Variants in KIAA1549 observed in about 807,000 individuals in gnomAD.
KIAA1549 encodes UPF0606 protein KIAA1549.
Under a neutral mutation model 156.4 loss-of-function variants are expected in KIAA1549, and 70 were observed. The observed-to-expected ratio is 0.45, with a 90% CI of 0.37 to 0.55. KIAA1549 has a LOEUF of 0.55. KIAA1549 is among the 20% of genes least tolerant of loss of function. KIAA1549 has a pLI of 0.00. For synonymous variants in KIAA1549, 1,103 were observed against 1,066.4 expected (o/e 1.03, Z -0.67); for missense variants, 2,428 against 2,540.9 (o/e 0.96, Z 0.96).
chr7:138,960,828 G>T (rs1466237215), intron 1 of KIAA1549, among the ~76,000 whole-genome samples: 1 of 152,180 alleles, frequency 6.6e-6, no homozygotes. Flanking sequence ...ACAAGCGGTG[G>T]TGTCTTCCGG....
chr7:138,891,437 G>A (rs1310821479), intron 10 of KIAA1549, among the ~76,000 whole-genome samples: 1 of 152,216 alleles, frequency 6.6e-6, no homozygotes, highest in Non-Finnish European at 1.5e-5. Flanking sequence ...GAGTTTTTTA[G>A]GCAACAGTAA....
intron 12 of KIAA1549, among the ~76,000 whole-genome samples, chr7:138,874,425 TA>T (rs1226086492): frequency 6.6e-6 from 1 of 152,244 alleles, no homozygotes; most frequent in Non-Finnish European, 1.5e-5. Flanking sequence ...TGAGGTAATG[TA>T]TATGTTAAAT....
At chr7:138,849,923 C>T (rs1325797213) in intron 17 of KIAA1549, among the ~76,000 whole-genome samples, 1 of 152,144 alleles carries the variant, frequency 6.6e-6, no homozygotes, top group Admixed American at 6.5e-5. Context: ...CATAGTATTC[C>T]ATTGTGTATG....
intron 8 of KIAA1549, 62 bp downstream of exon 8, chr7:138,903,526 T>C: frequency 6.5e-7 from 1 of 1,537,336 alleles, no homozygotes. Context: ...GAGTGTGCAC[T>C]CACACGCAAG....
intron 1 of KIAA1549, among the ~76,000 whole-genome samples, chr7:138,973,307 C>T (rs1236993167): frequency 6.6e-6 from 1 of 152,202 alleles, no homozygotes; most frequent in East Asian, 1.9e-4. Flanking sequence ...TCAGGCATCA[C>T]CTGTTTCAGT....
At chr7:138,908,710 C>A (rs1475912315) in intron 5 of KIAA1549, among the ~76,000 whole-genome samples, 2 of 152,118 alleles carry the variant, frequency 1.3e-5, no homozygotes, top group Non-Finnish European at 2.9e-5. Context: ...AGGTTGATAC[C>A]ATTCCTTTCT....
intron 12 of KIAA1549, among the ~76,000 whole-genome samples, 187 bp from the exon 13 acceptor site, chr7:138,871,549 A>G (rs1366863875): frequency 1.3e-5 from 2 of 152,238 alleles, no homozygotes; most frequent in African/African-American, 4.8e-5. Flanking sequence ...TATATACTGT[A>G]TCCTCTAACT....
chr7:138,887,991 T>C (rs760333197), intron 10 of KIAA1549, among the ~76,000 whole-genome samples: 8 of 152,192 alleles, frequency 5.3e-5, no homozygotes, highest in Non-Finnish European at 8.8e-5. Flanking sequence ...CAGTGAGAAA[T>C]GCCAAGGGCA....
chr7:138,965,615 C>A (rs1158521639), intron 1 of KIAA1549, among the ~76,000 whole-genome samples: 1 of 151,612 alleles, frequency 6.6e-6, no homozygotes, highest in African/African-American at 2.4e-5. Flanking sequence ...TATTTCCTGA[C>A]AACTAAAGAT....
intron 6 of KIAA1549, 92 bp downstream of exon 6, chr7:138,906,826 TC>T (rs1374543112): frequency 2.1e-6 from 2 of 967,686 alleles, no homozygotes; most frequent in Non-Finnish European, 2.9e-6. Flanking sequence ...AAAAATCAAG[TC>T]TTTTAAAAAA....
At chr7:138,863,707 T>C (rs143001149) in intron 15 of KIAA1549, among the ~76,000 whole-genome samples, 5 of 152,306 alleles carry the variant, frequency 3.3e-5, no homozygotes, top group Admixed American at 1.3e-4. Context: ...AAGCAGCGAC[T>C]GCCCTCGTGG....
At chr7:138,908,253 A>G (rs1274671705) in intron 5 of KIAA1549, among the ~76,000 whole-genome samples, 2 of 152,224 alleles carry the variant, frequency 1.3e-5, no homozygotes, top group Non-Finnish European at 2.9e-5. Context: ...ATGACTTAGG[A>G]AACAGAAGAC....
In KIAA1549 at chr7:138,885,295, T is replaced by A. The variant is rs74797097; in HGVS notation, c.4033-3711A>T. Among the ~76,000 whole-genome samples, 59 of 152,124 alleles carry A rather than the reference T, an allele frequency of 3.9e-4. No individual in the cohort carries two copies. The East Asian group carries it at 0.01, about 27-fold the overall frequency. On this transcript the variant is annotated intron_variant, in intron 10 of 19. Transcript: ENST00000422774. ...CTGATAAGTAACAATGCGGAAGGGG[T>A]CCCACGTAGGGCAGAACAATTGTTC...
chr7:138,903,838 TGTGTGTGTGTGTGTGCGCGCGCGC>T, intron 7 of KIAA1549, 102 bp from the exon 8 acceptor site: 2 of 534,344 alleles, frequency 3.7e-6, no homozygotes. Flanking sequence ...TGTGTGTGTG[TGTGTGTGTGTGTGTGCGCGCGCGC>T]GCGCGCGCAC....
At chr7:138,840,786 G>A (rs924249074) in intron 18 of KIAA1549, among the ~76,000 whole-genome samples, 2 of 152,144 alleles carry the variant, frequency 1.3e-5, no homozygotes, top group African/African-American at 4.8e-5. Flanking sequence ...CACTGTGTGA[G>A]GGTGACCCCT....
intron 17 of KIAA1549, among the ~76,000 whole-genome samples, chr7:138,845,732 C>T (rs749835849): frequency 2.0e-5 from 3 of 152,160 alleles, no homozygotes; most frequent in Admixed American, 1.3e-4. Flanking sequence ...AAAAGTCTCT[C>T]GGTGCTAGGA....
rs370735796 is a variant in KIAA1549, at chr7:138,917,426, T to C, written c.2200A>G (p.Thr734Ala). Reference protein sequence around the residue: ...SDSLEFVEASTVSLTDSEAHF... With the variant: ...SDSLEFVEASAVSLTDSEAHF... ...GCTTCTGAATCCGTCAGTGAAACCGTAGACGCTTCAACAAACTCGAGAGAA... is the reference window on the plus strand; with the variant it reads ...GCTTCTGAATCCGTCAGTGAAACCGCAGACGCTTCAACAAACTCGAGAGAA... The change falls in exon 2 of 20, where the codon ACG (threonine) becomes GCG (alanine). Residue 734 changes from threonine to alanine, a missense_variant. By Grantham distance (58) the Thr-to-Ala change is moderately conservative. Around this residue, in one of 5 missense-constraint regions of KIAA1549, gnomAD observed 762 missense variants for 901.6 expected, o/e 0.85. Coordinates refer to ENST00000422774, the MANE Select transcript of KIAA1549 (RefSeq NM_001164665.2). The C allele has an allele frequency of 3.2e-5, 52 of 1,613,832 alleles. No individual in the cohort carries two copies. The highest frequency in any genetic ancestry group is 1.6e-4 in the African/African-American group (12 of 74,908).
rs772470559 is a variant in KIAA1549 at position 138,861,245 on chromosome 7, A to G, written c.5141T>C (p.Val1714Ala). The G allele has an allele frequency of 6.2e-7, 1 of 1,611,346 alleles. No homozygotes were observed. The highest frequency in any genetic ancestry group is 1.7e-5 in the Admixed American group (1 of 59,328). The stretch of plus-strand genomic sequence containing the variant: ...GCTGTTTGCGGGCAGGCCGGGTGGG[A>G]CTCCGGGGCCTACACCTGCGGTGCT... ...PASTAGVGPG[V>A]PPGLPANSTP... Residue 1714 changes from valine (V) to alanine (A), a missense_variant, in exon 16 of 20, where the codon GTC (valine) becomes GCC (alanine). Val to Ala is a moderately conservative substitution (Grantham distance 64, BLOSUM62 0). Coordinates refer to ENST00000422774, the MANE Select transcript of KIAA1549 (RefSeq NM_001164665.2).
chr7:138,874,386 T>A (rs919033498), intron 12 of KIAA1549, among the ~76,000 whole-genome samples: 1 of 152,190 alleles, frequency 6.6e-6, no homozygotes. Flanking sequence ...GAGAGTAGAT[T>A]TTAAGTGTTA....
Sources: allele counts gnomAD v4.1 joint callset (sites outside exome capture counted in the v4.1 genomes callset), GRCh38; gene constraint gnomAD v4.1.1; regional missense constraint gnomAD v4.1.1; transcripts MANE v1.5; gene names NCBI Gene and HGNC (gene_info 2026-07-23, HGNC 2026-07-21).